The following SCML4 variants were observed in gnomAD, a reference collection of about 807,000 sequenced individuals.
SCML4 encodes the protein Scm polycomb group protein like 4, also known as sex comb on midleg-like protein 4.
SCML4 carries 34 observed loss-of-function variants against 41.1 expected under a neutral mutation model. The ratio of observed to expected loss-of-function variants is 0.83; its 90% CI spans 0.63 to 1.10. SCML4 has a LOEUF of 1.10. Ranked by LOEUF, SCML4 falls within the 50% of genes least tolerant of loss-of-function variation. SCML4 has a pLI of 0.00. For missense variants in SCML4, 522 were observed against 534.1 expected (o/e 0.98, Z 0.22); for synonymous variants, 214 against 220.9 (o/e 0.97, Z 0.28).
chr6:107,712,199 G>A (rs966831213), intron 6 of SCML4, among the ~76,000 whole-genome samples: 2 of 152,170 alleles, frequency 1.3e-5, no homozygotes, highest in Non-Finnish European at 2.9e-5. Context: ...GAACATTGGC[G>A]TTAATCAGGG....
chr6:107,740,826 C>T (rs921672959), intron 5 of SCML4, among the ~76,000 whole-genome samples: 6 of 152,180 alleles, frequency 3.9e-5, no homozygotes, highest in Non-Finnish European at 8.8e-5. Context: ...CTTTAAACAT[C>T]GGCTAGAAGC....
intron 5 of SCML4, among the ~76,000 whole-genome samples, chr6:107,732,765 G>T (rs6568490): frequency 0.2 from 30,678 of 151,956 alleles, 3,436 homozygotes; most frequent in African/African-American, 0.29. Flanking sequence ...GAGGCGAAGT[G>T]GGTGGGACAT....
At chr6:107,809,162 G>C (rs746421157) in intron 1 of SCML4, among the ~76,000 whole-genome samples, 3 of 152,146 alleles carry the variant, frequency 2.0e-5, no homozygotes, top group Non-Finnish European at 2.9e-5. Context: ...CACTGCATTT[G>C]TCCCCTCTAG....
intron 5 of SCML4, among the ~76,000 whole-genome samples, chr6:107,740,957 C>A (rs556275070): frequency 6.6e-6 from 1 of 152,226 alleles, no homozygotes; most frequent in South Asian, 2.1e-4. Flanking sequence ...TGGGAGGAGG[C>A]AATAACAAAA....
At chr6:107,773,464 T>C (rs1047804838) in intron 1 of SCML4, among the ~76,000 whole-genome samples, 1 of 151,822 alleles carries the variant, frequency 6.6e-6, no homozygotes, top group African/African-American at 2.4e-5. Context: ...TGGCTGCCCA[T>C]GCCTGTAATC....
intron 1 of SCML4, among the ~76,000 whole-genome samples, chr6:107,787,191 C>T (rs1327807331): frequency 6.6e-6 from 1 of 152,220 alleles, no homozygotes; most frequent in African/African-American, 2.4e-5. Context: ...ACTGATACAA[C>T]ATGAAAGCTT....
At chr6:107,836,457 T>C in the SCML4 span, among the ~76,000 whole-genome samples, 4 of 152,044 alleles carry the variant, frequency 2.6e-5, no homozygotes, top group Middle Eastern at 3.2e-3. Flanking sequence ...TCAAGTCCAA[T>C]GTCCAGATAC....
intron 1 of SCML4, among the ~76,000 whole-genome samples, chr6:107,795,395 T>G (rs9398144): frequency 1.3e-5 from 2 of 152,344 alleles, no homozygotes; most frequent in East Asian, 3.9e-4. Flanking sequence ...TTTTCTTAAT[T>G]GCAGTATAAT....
chr6:107,716,265 T>A lies in SCML4; in HGVS notation c.973+4438A>T, dbSNP rs1774779787. Reference sequence around the variant, plus strand: ...GTCTGCTCTTGTTCCATCTTCTCCATCTCTTAGAACCTTGAAAGCCATCAG... The same window carrying A: ...GTCTGCTCTTGTTCCATCTTCTCCAACTCTTAGAACCTTGAAAGCCATCAG... On this transcript the variant is annotated intron_variant, in intron 6 of 7. Transcript: ENST00000369020. Among the ~76,000 whole-genome samples the A allele has an allele frequency of 2.0e-5, 3 of 152,222 alleles. No homozygotes were observed. In the East Asian group the frequency reaches 5.8e-4, roughly 29 times the overall value.
At chr6:107,711,748 G>A (rs190997003) in intron 6 of SCML4, among the ~76,000 whole-genome samples, 2 of 152,226 alleles carry the variant, frequency 1.3e-5, no homozygotes, top group East Asian at 1.9e-4. Context: ...ACAATGAAGC[G>A]GCTTTCCTAC....
intron 2 of SCML4, among the ~76,000 whole-genome samples, chr6:107,760,026 AGTT>A (rs1779458036): frequency 6.6e-6 from 1 of 152,192 alleles, no homozygotes; most frequent in African/African-American, 2.4e-5. Flanking sequence ...AATGGGTTAC[AGTT>A]GTTGGTTTCT....
chr6:107,746,358 C>G (rs1208332654), intron 4 of SCML4: 3 of 256,790 alleles, frequency 1.2e-5, no homozygotes, highest in Non-Finnish European at 2.2e-5. Context: ...TGGTTGGACT[C>G]CGGGTATATT....
At chr6:107,729,654 T>C (rs1776344575) in intron 5 of SCML4, among the ~76,000 whole-genome samples, 1 of 152,238 alleles carries the variant, frequency 6.6e-6, no homozygotes, top group African/African-American at 2.4e-5. Context: ...ATGATTTCAC[T>C]GATACAGTAT....
chr6:107,803,636 A>T (rs1783475288), intron 1 of SCML4, among the ~76,000 whole-genome samples: 1 of 145,088 alleles, frequency 6.9e-6, no homozygotes, highest in Admixed American at 6.7e-5. Flanking sequence ...AAGATTGAGA[A>T]ATCGGATGGT....
At chr6:107,844,842 G>A in the SCML4 span, among the ~76,000 whole-genome samples, 3 of 146,702 alleles carry the variant, frequency 2.0e-5, no homozygotes, top group Admixed American at 2.0e-4. Flanking sequence ...TGAGAGGATT[G>A]CTTGAGGCCA....
chr6:107,764,049 C>G (rs1219069779), intron 2 of SCML4, among the ~76,000 whole-genome samples: 2 of 152,298 alleles, frequency 1.3e-5, no homozygotes, highest in South Asian at 4.1e-4. Flanking sequence ...AGGAGATGCT[C>G]CAGGGGAACA....
chr6:107,837,953 G>A, the SCML4 span, among the ~76,000 whole-genome samples: 2 of 141,964 alleles, frequency 1.4e-5, no homozygotes, highest in Non-Finnish European at 3.0e-5. Context: ...TGTCGCCCAG[G>A]TTGGAGTGCA....
chr6:107,751,647 T>A (rs1218430873), intron 2 of SCML4, among the ~76,000 whole-genome samples: 1 of 145,640 alleles, frequency 6.9e-6, no homozygotes, highest in East Asian at 2.0e-4. Flanking sequence ...TCTTTCTTTC[T>A]TTTTTGAGAG....
chr6:107,762,080 A>C, intron 2 of SCML4, among the ~76,000 whole-genome samples: 1 of 152,318 alleles, frequency 6.6e-6, no homozygotes, highest in East Asian at 1.9e-4. Context: ...ATGCATGGCA[A>C]CAATAATATA....
Sources: allele counts gnomAD v4.1 joint callset (sites outside exome capture counted in the v4.1 genomes callset), GRCh38; gene constraint gnomAD v4.1.1; transcripts MANE v1.5; gene names NCBI Gene and HGNC (gene_info 2026-07-23, HGNC 2026-07-21).